Variants in PTCH1 observed in about 807,000 individuals in gnomAD.
PTCH1 encodes the protein patched 1.
A neutral mutation model predicts 144.6 loss-of-function variants in PTCH1; 14 were observed. The observed-to-expected ratio is 0.10, with a 90% CI of 0.06 to 0.15. The LOEUF (loss-of-function observed/expected upper bound fraction) is 0.15. Among genes scored for constraint, PTCH1 ranks in the 10% least tolerant of loss-of-function variants. PTCH1 has a pLI of 1.00. For missense variants in PTCH1, 1,623 were observed against 1,948.3 expected (o/e 0.83, Z 3.14); for synonymous variants, 833 against 793.6 (o/e 1.05, Z -0.83).
intron 1 of PTCH1, chr9:95,507,308 C>T (rs1270840931): frequency 1.0e-6 from 1 of 985,434 alleles, no homozygotes; most frequent in Non-Finnish European, 1.2e-6. Context: ...ACGTAAAAAA[C>T]AGCCGAGTGC....
chr9:95,504,733 T>C (rs1470079935), intron 2 of PTCH1, among the ~76,000 whole-genome samples: 2 of 152,088 alleles, frequency 1.3e-5, no homozygotes, highest in Non-Finnish European at 2.9e-5. Flanking sequence ...CTCCTTCCCC[T>C]ACCGTCTCCA....
intron 1 of PTCH1, chr9:95,514,269 G>A (rs1188693537): frequency 6.6e-6 from 1 of 152,222 alleles, no homozygotes; most frequent in Non-Finnish European, 1.5e-5. Context: ...GGATAGAGAT[G>A]TATTCCTACA....
At position 95,447,366 on chromosome 9, in the gene PTCH1, C is replaced by T. The variant is rs386833412; in HGVS notation, c.3890G>A (p.Arg1297Gln). ...HLDSGSLPPG[R>Q]QGQQPRRDPP... ...GTCCCTGCGGGGCTGCTGGCCTTGC[C>T]GTCCGGGAGGCAGGGACCCTGAGTC... The change falls in exon 23 of 24, where the codon CGG (arginine) becomes CAG (glutamine). Residue 1297 changes from arginine (R) to glutamine (Q), a missense_variant. Coordinates refer to ENST00000331920, the MANE Select transcript of PTCH1 (RefSeq NM_000264.5). 81 of 1,613,020 alleles carry T rather than the reference C, an allele frequency of 5.0e-5. 1 individual carries two copies. The highest frequency in any genetic ancestry group is 1.6e-4 in the Middle Eastern group (1 of 6,070).
At chr9:95,455,312 A>C (rs1002588593) in intron 19 of PTCH1, among the ~76,000 whole-genome samples, 2 of 152,370 alleles carry the variant, frequency 1.3e-5, no homozygotes, top group East Asian at 3.9e-4. Flanking sequence ...GGAGACATGC[A>C]TGTGCCATGT....
intron 22 of PTCH1, 132 bp from the exon 23 acceptor site, chr9:95,447,583 C>T (rs1173644307): frequency 2.1e-6 from 2 of 947,130 alleles, no homozygotes; most frequent in Non-Finnish European, 3.1e-6. Context: ...GGCCTTCCAC[C>T]CACAAAAGAA....
chr9:95,509,067 G>C lies in PTCH1; in HGVS notation c.-706C>G, dbSNP rs1044292544. 9.9e-5 allele frequency among the ~76,000 whole-genome samples: 15 copies of C among 152,016 alleles called. No homozygotes were observed. The highest frequency in any genetic ancestry group is 2.2e-4 in the Non-Finnish European group (15 of 67,952). ...GCTCGGTCCCGGACTCTGCTTTCTT[G>C]TGCTCCTCGGCAACCCGCTGGACCA... On this transcript the variant is annotated 5_prime_UTR_variant, in exon 1 of 24. Coordinates refer to ENST00000331920, the MANE Select transcript of PTCH1 (RefSeq NM_000264.5).
At position 95,444,850 on chromosome 9, in the gene PTCH1, C is replaced by T. The variant is rs1837754316; in HGVS notation, c.*1543G>A. 2 of 152,122 alleles carry T rather than the reference C, an allele frequency of 1.3e-5. No individual in the cohort carries two copies. Among genetic ancestry groups the T allele is most frequent in the Non-Finnish European group, 2.9e-5 (2 of 68,052 alleles). 9.4% of individuals were successfully genotyped at this position (152,122 alleles called of 1,614,324 possible). ...GGTTACGAGATGAGGGAGCCCACAC[C>T]TCAGAGCAAAAGAAGAGAACCAGTA... On this transcript the variant is annotated 3_prime_UTR_variant, in exon 24 of 24. Transcript: ENST00000331920.
At chr9:95,502,550 C>A (rs1362325989) in intron 2 of PTCH1, among the ~76,000 whole-genome samples, 1 of 152,228 alleles carries the variant, frequency 6.6e-6, no homozygotes, top group Admixed American at 6.5e-5. Context: ...CCTCATTACT[C>A]CGCACATATG....
intron 19 of PTCH1, among the ~76,000 whole-genome samples, chr9:95,453,907 G>A (rs1375005951): frequency 6.6e-6 from 1 of 152,056 alleles, no homozygotes. Flanking sequence ...TACTCACCCC[G>A]AAGTTTCCCC....
rs533451543 is a variant in PTCH1 at position 95,505,066 on chromosome 9, G to A, written c.394+1341C>T. Among the ~76,000 whole-genome samples, 6 of 152,296 alleles carry A rather than the reference G, an allele frequency of 3.9e-5. No homozygotes were observed. In the East Asian group the frequency reaches 1.2e-3, roughly 29 times the overall value. On this transcript the variant is annotated intron_variant, in intron 2 of 23. Transcript: ENST00000331920. ...TTAATTACCAAACTACTTAAGGCAGGAATGTTTTGTCTTAATTATGTAGAC... is the reference window on the plus strand; with the variant it reads ...TTAATTACCAAACTACTTAAGGCAGAAATGTTTTGTCTTAATTATGTAGAC...
At chr9:95,488,327 T>C (rs1177031464) in intron 2 of PTCH1, among the ~76,000 whole-genome samples, 1 of 152,202 alleles carries the variant, frequency 6.6e-6, no homozygotes, top group Non-Finnish European at 1.5e-5. Flanking sequence ...ACAAATATTT[T>C]GCCAATGTGA....
chr9:95,487,810 T>TAC (rs1310714631), intron 2 of PTCH1, among the ~76,000 whole-genome samples: 1 of 152,208 alleles, frequency 6.6e-6, no homozygotes, highest in Admixed American at 6.5e-5. Context: ...CCTGCACCTT[T>TAC]ACTGAAGCTT....
At chr9:95,495,685 G>C (rs1274515907) in intron 2 of PTCH1, among the ~76,000 whole-genome samples, 2 of 152,096 alleles carry the variant, frequency 1.3e-5, no homozygotes, top group African/African-American at 2.4e-5. Flanking sequence ...ATCCCATCCA[G>C]CAAGGATATC....
chr9:95,480,115 A>C, intron 6 of PTCH1, 25 bp from the exon 7 acceptor site: 1 of 1,613,756 alleles, frequency 6.2e-7, no homozygotes, highest in Non-Finnish European at 8.5e-7. Flanking sequence ...CAGCCACATA[A>C]TTATGGGAAT....
chr9:95,478,724 C>T (rs989864336), intron 8 of PTCH1, among the ~76,000 whole-genome samples: 3 of 152,106 alleles, frequency 2.0e-5, no homozygotes, highest in African/African-American at 4.8e-5. Flanking sequence ...CCTTTGCTAA[C>T]CAAGTGTTTT....
chr9:95,507,749 C>T (rs1843814581), intron 1 of PTCH1: 3 of 214,434 alleles, frequency 1.4e-5, no homozygotes, highest in African/African-American at 4.7e-5. Flanking sequence ...GGCAGCCGTA[C>T]AGGAGTTTAG....
At chr9:95,455,899 C>T (rs548952211) in intron 19 of PTCH1, among the ~76,000 whole-genome samples, 1 of 152,322 alleles carries the variant, frequency 6.6e-6, no homozygotes, top group African/African-American at 2.4e-5. Context: ...GTTTTTAAAA[C>T]TCTGTGTATG....
chr9:95,456,116 A>C (rs927064780), intron 19 of PTCH1, among the ~76,000 whole-genome samples, 160 bp downstream of exon 19: 2 of 152,172 alleles, frequency 1.3e-5, no homozygotes, highest in East Asian at 3.8e-4. Flanking sequence ...GAGGGAAAGG[A>C]ATCCAGAAAT....
chr9:95,504,933 G>A (rs1843446480), intron 2 of PTCH1, among the ~76,000 whole-genome samples: 1 of 152,186 alleles, frequency 6.6e-6, no homozygotes, highest in Admixed American at 6.5e-5. Context: ...CTTGTTGCTA[G>A]GAGCATAATA....
Sources: allele counts gnomAD v4.1 joint callset (sites outside exome capture counted in the v4.1 genomes callset), GRCh38; gene constraint gnomAD v4.1.1; transcripts MANE v1.5; gene names NCBI Gene and HGNC (gene_info 2026-07-23, HGNC 2026-07-21).